The following TECPR2 variants were observed in gnomAD, a reference collection of about 807,000 sequenced individuals.
TECPR2 encodes tectonin beta-propeller repeat containing 2.
In TECPR2, 65 loss-of-function variants were observed where a neutral mutation model predicts 138.1. The observed-to-expected ratio is 0.47, with a 90% confidence interval of 0.39 to 0.58. TECPR2 has a LOEUF of 0.58. Ranked by LOEUF, TECPR2 falls within the 20% of genes least tolerant of loss-of-function variation. The probability of loss-of-function intolerance (pLI) is 0.00; values close to 1 mark genes in which losing one functional copy is unlikely to be tolerated. For missense variants in TECPR2, 1,553 were observed against 1,824.5 expected, an observed-to-expected ratio of 0.85 and a Z score of 2.71; for synonymous variants, 746 against 749.8, an observed-to-expected ratio of 0.99 and a Z score of 0.08.
chr14:102,412,422 C>T (rs937107415), intron 4 of TECPR2, among the ~76,000 whole-genome samples: 5 of 152,010 alleles, frequency 3.3e-5, no homozygotes, highest in East Asian at 3.8e-4. Context: ...TTTGAGCCAC[C>T]GTGCCAGCTG....
chr14:102,432,260 A>T (rs915153528), intron 8 of TECPR2, 132 bp downstream of exon 8: 2 of 949,736 alleles, frequency 2.1e-6, no homozygotes, highest in African/African-American at 3.4e-5. Context: ...TCTTCCCCAA[A>T]GGAGTTTTAC....
chr14:102,431,947 G>A lies in TECPR2; in HGVS notation c.1236G>A (p.Ser412=), dbSNP rs756426693. 9.9e-6 allele frequency: 16 copies of A among 1,612,708 alleles called. No homozygotes were observed. The highest frequency in any genetic ancestry group is 6.7e-5 in the East Asian group (3 of 44,884). ...GCGAGCCAAGGAGCAGGAGCAGCTC[G>A]CTCAACTCCACCGACAGCGGCTCCG... is the stretch of plus-strand genomic sequence containing the variant. The part of the protein sequence containing the change: ...VASEPRSRSS[S]LNSTDSGSGL... The change falls in exon 8 of 20, where the codon TCG becomes TCA. Residue 412 remains serine (S), a synonymous_variant. Transcript: ENST00000359520.
chr14:102,428,467 A>G (rs909966099), intron 7 of TECPR2, 85 bp downstream of exon 7: 25 of 1,574,846 alleles, frequency 1.6e-5, no homozygotes, highest in Admixed American at 5.9e-5. Flanking sequence ...TAATTGATCA[A>G]ACTTACCATT....
chr14:102,438,062 G>A lies in TECPR2; in HGVS notation c.2435G>A (p.Gly812Asp), dbSNP rs1286387720. 1.9e-6 allele frequency: 3 copies of A among 1,614,034 alleles called. No homozygotes were observed. The highest frequency in any genetic ancestry group is 2.5e-6 in the Non-Finnish European group (3 of 1,180,020). Residue 812 changes from glycine to aspartate, a missense_variant, in exon 10 of 20, where the codon GGC (glycine) becomes GAC (aspartate). Physicochemically the swap from Gly to Asp is moderately conservative, Grantham distance 94. Transcript: ENST00000359520. ...SWMGYSGPGY[G>D]ILSLVVSEKY... Reference sequence around the variant, plus strand: ...ATGGGCTACTCGGGTCCCGGCTATGGCATCCTCAGCTTGGTGGTCTCCGAG... The same window carrying A: ...ATGGGCTACTCGGGTCCCGGCTATGACATCCTCAGCTTGGTGGTCTCCGAG...
rs1239046327 is a variant in TECPR2 at position 102,431,955 on chromosome 14, C to A, written c.1244C>A (p.Ser415Tyr). 3.7e-6 allele frequency: 6 copies of A among 1,612,926 alleles called. No individual in the cohort carries two copies. The highest frequency in any genetic ancestry group is 4.5e-5 in the East Asian group (2 of 44,888). Reference sequence around the variant, plus strand: ...AGGAGCAGGAGCAGCTCGCTCAACTCCACCGACAGCGGCTCCGGGCTCCTG... The same window carrying A: ...AGGAGCAGGAGCAGCTCGCTCAACTACACCGACAGCGGCTCCGGGCTCCTG... ...EPRSRSSSLN[S>Y]TDSGSGLLPP... Residue 415 changes from serine to tyrosine, a missense_variant, in exon 8 of 20, where the codon TCC becomes TAC. By Grantham distance (144) the Ser-to-Tyr change is moderately radical. Transcript: ENST00000359520.
At chr14:102,365,473 G>C (rs1423413845) in intron 1 of TECPR2, among the ~76,000 whole-genome samples, 1 of 152,206 alleles carries the variant, frequency 6.6e-6, no homozygotes, top group East Asian at 1.9e-4. Context: ...CAGGGACTGT[G>C]ATGGAAAGCT....
intron 13 of TECPR2, among the ~76,000 whole-genome samples, chr14:102,447,628 G>A (rs550938575): frequency 2.0e-5 from 3 of 152,218 alleles, no homozygotes; most frequent in South Asian, 4.1e-4. Flanking sequence ...TCCGCCTCCT[G>A]GGTTCAAGCG....
Position 102,366,984 on chromosome 14 carries a change from A to G in TECPR2, c.-73+3868A>G, listed in dbSNP as rs571956511. On this transcript the variant is annotated intron_variant, in intron 1 of 19. Coordinates refer to ENST00000359520, the MANE Select transcript of TECPR2 (RefSeq NM_014844.5). The stretch of plus-strand genomic sequence containing the variant: ...CCACAGTTGAGAAGAAGCCAGATAA[A>G]TGGAGTGAGATCATTTATTCTGCAT... Among the ~76,000 whole-genome samples, 9 of 152,296 alleles carry G rather than the reference A, an allele frequency of 5.9e-5. No homozygotes were observed. In the East Asian group the frequency reaches 1.5e-3, roughly 26 times the overall value.
chr14:102,474,624 C>CA (rs1354350584), intron 17 of TECPR2, among the ~76,000 whole-genome samples: 5 of 151,548 alleles, frequency 3.3e-5, no homozygotes, highest in East Asian at 1.9e-4. Context: ...AACTCCATCT[C>CA]AAAAAAAAGA....
chr14:102,446,054 C>G, intron 13 of TECPR2, 107 bp downstream of exon 13: 3 of 1,282,566 alleles, frequency 2.3e-6, no homozygotes, highest in Non-Finnish European at 3.1e-6. Flanking sequence ...ATTTAAAATA[C>G]TCACTTTTTT....
chr14:102,494,756 G>A (rs1176916068), intron 17 of TECPR2, among the ~76,000 whole-genome samples: 3 of 151,280 alleles, frequency 2.0e-5, no homozygotes, highest in Admixed American at 1.3e-4. Flanking sequence ...CCTGGGAGGC[G>A]GAGGTTGCGG....
In TECPR2 at chr14:102,434,502, A is replaced by G. The variant is rs1399353706; in HGVS notation, c.1685A>G (p.Glu562Gly). 6.4e-7 allele frequency: 1 copy of G among 1,562,902 alleles called. No individual in the cohort carries two copies. Among genetic ancestry groups the G allele is most frequent in the Non-Finnish European group, 8.7e-7 (1 of 1,154,694 alleles). Residue 562 changes from glutamate (E) to glycine (G), a missense_variant, in exon 9 of 20, where the codon GAG becomes GGG. Transcript: ENST00000359520. ...VSGSMPDSLA[E>G]EDDIRTEMPH... ...GGATCAATGCCTGATTCTCTGGCTG[A>G]GGAAGATGACATTAGAACTGAAATG...
intron 1 of TECPR2, among the ~76,000 whole-genome samples, chr14:102,364,490 T>G (rs1369737749): frequency 1.3e-5 from 2 of 152,120 alleles, no homozygotes; most frequent in African/African-American, 4.8e-5. Flanking sequence ...GCCCATGAAC[T>G]TTAAAAGGGA....
intron 12 of TECPR2, among the ~76,000 whole-genome samples, chr14:102,444,780 T>C (rs1889925701): frequency 6.6e-6 from 1 of 152,150 alleles, no homozygotes; most frequent in South Asian, 2.1e-4. Flanking sequence ...GAGACCAGAC[T>C]GACCAACATA....
At chr14:102,490,162 G>A (rs903181101) in intron 17 of TECPR2, among the ~76,000 whole-genome samples, 1 of 152,204 alleles carries the variant, frequency 6.6e-6, no homozygotes, top group African/African-American at 2.4e-5. Flanking sequence ...GTCACTGTGA[G>A]CAAACAGTGG....
chr14:102,367,483 T>C (rs77372535), intron 1 of TECPR2, among the ~76,000 whole-genome samples: 6,066 of 152,282 alleles, frequency 0.04, 138 homozygotes, highest in Middle Eastern at 0.088. Context: ...CTAGACATTT[T>C]GTATACATGG....
At chr14:102,481,855 A>G (rs970671010) in intron 17 of TECPR2, among the ~76,000 whole-genome samples, 8 of 148,400 alleles carry the variant, frequency 5.4e-5, no homozygotes, top group Non-Finnish European at 1.0e-4. Context: ...CCCGTCCCCC[A>G]TTCCCCCAGC....
At chr14:102,449,515 C>G in intron 13 of TECPR2, 114 bp from the exon 14 acceptor site, 1 of 1,488,834 alleles carries the variant, frequency 6.7e-7, no homozygotes, top group Non-Finnish European at 9.1e-7. Context: ...GGATGGTCAT[C>G]TTGTTACTAG....
chr14:102,480,224 T>TA (rs71119705), intron 17 of TECPR2, among the ~76,000 whole-genome samples: 73,796 of 148,246 alleles, frequency 0.5, 19,257 homozygotes, highest in South Asian at 0.6. Flanking sequence ...TTTTTTTTTT[T>TA]TTTTTTATTG....
Sources: gnomAD v4.1 joint callset for allele counts (sites outside exome capture counted in the v4.1 genomes callset) on GRCh38, gnomAD v4.1.1 for gene constraint, MANE v1.5 for transcripts, NCBI Gene and HGNC (gene_info 2026-07-23, HGNC 2026-07-21) for gene names.